The following FAM169A variants were observed in gnomAD, a reference collection of about 807,000 sequenced individuals.
The protein encoded by FAM169A is soluble lamin-associated protein of 75 kDa.
In FAM169A, 24 loss-of-function variants were observed where a neutral mutation model predicts 75.7. That is an observed-to-expected ratio of 0.32 (90% CI 0.23 to 0.45). FAM169A has a LOEUF of 0.45. FAM169A is among the 20% of genes least tolerant of loss of function. The pLI, the probability that FAM169A is intolerant of heterozygous loss-of-function variation, is 1.00. For synonymous variants in FAM169A, 271 were observed against 271.0 expected (o/e 1.00, Z 0.00); for missense variants, 673 against 784.0 (o/e 0.86, Z 1.69).
At chr5:74,838,853 A>C in intron 4 of FAM169A, 112 bp downstream of exon 4, 1 of 794,688 alleles carries the variant, frequency 1.3e-6, no homozygotes, top group Non-Finnish European at 2.2e-6. Flanking sequence ...TCTAGGGTTT[A>C]ATATAACCTG....
intron 5 of FAM169A, among the ~76,000 whole-genome samples, chr5:74,825,105 CTT>C (rs1224804999): frequency 6.6e-6 from 1 of 152,098 alleles, no homozygotes; most frequent in East Asian, 1.9e-4. Context: ...TATTCTTACA[CTT>C]TTTGATTTCC....
chr5:74,839,709 A>C (rs1748759081), intron 3 of FAM169A, among the ~76,000 whole-genome samples: 1 of 151,896 alleles, frequency 6.6e-6, no homozygotes. Flanking sequence ...TTTTTAGTAG[A>C]GACAGGGTTT....
At chr5:74,800,322 T>C (rs566711130) in intron 10 of FAM169A, among the ~76,000 whole-genome samples, 2 of 152,298 alleles carry the variant, frequency 1.3e-5, no homozygotes, top group African/African-American at 4.8e-5. Flanking sequence ...AAGTAGTTTA[T>C]TATGGAAAAT....
intron 1 of FAM169A, among the ~76,000 whole-genome samples, chr5:74,861,539 AC>A: frequency 6.6e-6 from 1 of 152,098 alleles, no homozygotes. Context: ...GCCTGGTAAA[AC>A]CCCATTTCTA....
At chr5:74,848,906 CTATGT>C in intron 1 of FAM169A, 1 of 152,074 alleles carries the variant, frequency 6.6e-6, no homozygotes, top group South Asian at 2.1e-4. Flanking sequence ...AGCTTCTGTT[CTATGT>C]TATGTAACTG....
At chr5:74,797,258 C>G (rs1746326864) in intron 10 of FAM169A, among the ~76,000 whole-genome samples, 1 of 152,214 alleles carries the variant, frequency 6.6e-6, no homozygotes, top group Non-Finnish European at 1.5e-5. Flanking sequence ...CTCACTGCAA[C>G]CTCCGCCTCC....
chr5:74,839,092 T>C, intron 3 of FAM169A, 42 bp from the exon 4 acceptor site: 1 of 1,439,570 alleles, frequency 6.9e-7, no homozygotes, highest in African/African-American at 1.4e-5. Flanking sequence ...AGTTTTAAAG[T>C]ACACTTTTAG....
At chr5:74,790,773 G>A (rs1745934138) in intron 11 of FAM169A, among the ~76,000 whole-genome samples, 1 of 152,202 alleles carries the variant, frequency 6.6e-6, no homozygotes, top group African/African-American at 2.4e-5. Context: ...GGCCACTGCT[G>A]AGTGCCCAAC....
chr5:74,824,944 A>C (rs181663819), intron 5 of FAM169A, among the ~76,000 whole-genome samples: 3 of 152,232 alleles, frequency 2.0e-5, no homozygotes, highest in Admixed American at 2.0e-4. Flanking sequence ...CTCAACTCCA[A>C]CATAAACACA....
chr5:74,799,625 G>A (rs1195422365), intron 10 of FAM169A: 2 of 1,415,596 alleles, frequency 1.4e-6, no homozygotes, highest in Non-Finnish European at 2.0e-6. Context: ...CACGGGGTCA[G>A]CTTCTCCGCC....
At chr5:74,783,880 A>C (rs978455886) in intron 11 of FAM169A, among the ~76,000 whole-genome samples, 1 of 152,200 alleles carries the variant, frequency 6.6e-6, no homozygotes. Flanking sequence ...TGATGCATTC[A>C]AGTGTTCACA....
chr5:74,782,833 A>C lies in FAM169A; in HGVS notation c.1464+98T>G, dbSNP rs759118873. On this transcript the variant is annotated intron_variant, in intron 12 of 12. Coordinates refer to ENST00000687041, the MANE Select transcript of FAM169A (RefSeq NM_001376049.1). ...AGTTAATCTTCCTAAAGCACTGTAC[A>C]TGTAAAGGTGGAAGCAAATATATAT... 7.3e-5 allele frequency: 54 copies of C among 742,734 alleles called. No individual in the cohort carries two copies. Among genetic ancestry groups the C allele is most frequent in the Non-Finnish European group, 1.1e-4 (49 of 451,776 alleles). The allele number at this position is 742,734 out of a possible 1,614,324, so 46.0% of individuals were successfully genotyped here.
chr5:74,781,506 G>C lies in FAM169A; in HGVS notation c.1967C>G (p.Ala656Gly). 2 of 1,614,098 alleles carry C rather than the reference G, an allele frequency of 1.2e-6. No individual in the cohort carries two copies. The highest frequency in any genetic ancestry group is 8.5e-7 in the Non-Finnish European group (1 of 1,179,996). The change falls in exon 13 of 13, where the codon GCC (alanine) becomes GGC (glycine). Residue 656 changes from alanine to glycine, a missense_variant. Physicochemically the swap from Ala to Gly is moderately conservative, Grantham distance 60. Around this residue, in one of 3 missense-constraint regions of FAM169A, gnomAD observed 510 missense variants for 550.9 expected, o/e 0.93. Coordinates refer to ENST00000687041, the MANE Select transcript of FAM169A (RefSeq NM_001376049.1). ...VVDRRNLRRK[A>G]KGHKGPAKKK... ...CTTAGCAGGTCCTTTATGCCCTTTG[G>C]CCTTTCTTCTTAAATTCCGCCTGTC...
chr5:74,813,040 T>C (rs934951172), intron 6 of FAM169A, among the ~76,000 whole-genome samples: 3 of 152,150 alleles, frequency 2.0e-5, no homozygotes, highest in East Asian at 1.9e-4. Context: ...CTTAAAAACA[T>C]GCTAAGTGAA....
chr5:74,799,923 A>G, intron 10 of FAM169A: 1 of 861,196 alleles, frequency 1.2e-6, no homozygotes. Flanking sequence ...CAAGAGGGCC[A>G]CGACTGAGGG....
rs764527095 is a variant in FAM169A, at chr5:74,801,594, G to A, written c.948C>T (p.Ser316=). 7.5e-6 allele frequency: 12 copies of A among 1,608,794 alleles called. No homozygotes were observed. The highest frequency in any genetic ancestry group is 3.3e-5 in the South Asian group (3 of 90,244). The change falls in exon 9 of 13, where the codon TCC becomes TCT. Residue 316 remains serine (S), a synonymous_variant. Coordinates refer to ENST00000687041, the MANE Select transcript of FAM169A (RefSeq NM_001376049.1). ...TATATCAGTTGAATTTCTTACCTTC[G>A]GAAGTGCTTGCAAAGGCATCTTTTA... ...DSLKDAFAST[S]EGHDKTSVST... is the part of the protein sequence containing the mutation.
chr5:74,799,966 A>G (rs1746477587), intron 10 of FAM169A: 1 of 810,998 alleles, frequency 1.2e-6, no homozygotes, highest in Non-Finnish European at 2.2e-6. Context: ...CTGCGCCAGA[A>G]TAGCATCACT....
chr5:74,835,634 A>C (rs1001910189), intron 4 of FAM169A, among the ~76,000 whole-genome samples: 5 of 151,388 alleles, frequency 3.3e-5, no homozygotes, highest in Non-Finnish European at 5.9e-5. Context: ...AAATCTGTAC[A>C]TAAGCCTATA....
intron 11 of FAM169A, among the ~76,000 whole-genome samples, chr5:74,785,781 A>C (rs1481476045): frequency 6.6e-6 from 1 of 152,238 alleles, no homozygotes; most frequent in Non-Finnish European, 1.5e-5. Flanking sequence ...ACGTATGTAT[A>C]TATATAGTTT....
Sources: gnomAD v4.1 joint callset for allele counts (sites outside exome capture counted in the v4.1 genomes callset) on GRCh38, gnomAD v4.1.1 for gene constraint, gnomAD v4.1.1 regional missense constraint, MANE v1.5 for transcripts, NCBI Gene and HGNC (gene_info 2026-07-23, HGNC 2026-07-21) for gene names.